RAB29: variants seen among roughly 807,000 people sequenced by gnomAD.
RAB29 encodes ras-related protein Rab-29.
A neutral mutation model predicts 25.5 loss-of-function variants in RAB29; 13 were observed. That is an observed-to-expected ratio of 0.51 (90% CI 0.33 to 0.81). The LOEUF is 0.81. Among genes scored for constraint, RAB29 ranks in the 30% least tolerant of loss-of-function variants. The probability of loss-of-function intolerance (pLI) is 0.02; values close to 1 mark genes in which losing one functional copy is unlikely to be tolerated. For synonymous variants in RAB29, 88 were observed against 95.0 expected, an observed-to-expected ratio of 0.93 and a Z score of 0.43; for missense variants, 201 against 254.9, an observed-to-expected ratio of 0.79 and a Z score of 1.44.
chr1:205,774,733 C>A (rs1296349452), intron 2 of RAB29, 100 bp downstream of exon 2: 7 of 1,314,918 alleles, frequency 5.3e-6, no homozygotes, highest in Non-Finnish European at 7.4e-6. Context: ...AAGGACCCAA[C>A]AACCGACAGC....
chr1:205,773,244 A>G (rs773806083), intron 2 of RAB29, among the ~76,000 whole-genome samples: 25 of 152,226 alleles, frequency 1.6e-4, no homozygotes, highest in Non-Finnish European at 3.1e-4. Context: ...GAAACAGAGT[A>G]ATTTCTGAGG....
Position 205,774,853 on chromosome 1 carries a change from T to C in RAB29, c.104A>G (p.His35Arg), listed in dbSNP as rs778380185. The C allele has an allele frequency of 3.8e-6, 6 of 1,574,788 alleles. No individual in the cohort carries two copies. In the African/African-American group the frequency reaches 8.3e-5, roughly 22 times the overall value. Residue 35 changes from histidine to arginine, a missense_variant, in exon 2 of 6, where the codon CAC becomes CGC. Coordinates refer to ENST00000367139, the MANE Select transcript of RAB29 (RefSeq NM_003929.3). ...QRYSQDSFSKHYKSTVGVDFA... is the reference protein window; with the variant it reads ...QRYSQDSFSKRYKSTVGVDFA... ...CTCACCTCCCACCGTGGACTTGTAGTGTTTGCTGAAGCTGTCCTGGGAATA... is the reference window on the plus strand; with the variant it reads ...CTCACCTCCCACCGTGGACTTGTAGCGTTTGCTGAAGCTGTCCTGGGAATA...
At chr1:205,774,307 C>A (rs1032246142) in intron 2 of RAB29, among the ~76,000 whole-genome samples, 3 of 152,236 alleles carry the variant, frequency 2.0e-5, no homozygotes, top group Non-Finnish European at 2.9e-5. Context: ...ATCCCACCCA[C>A]AGCCCCACAA....
chr1:205,771,428 C>CAT (rs1558068329), intron 4 of RAB29, 44 bp downstream of exon 4: 2 of 1,598,098 alleles, frequency 1.3e-6, no homozygotes, highest in Non-Finnish European at 1.7e-6. Flanking sequence ...CCTTTCTAAC[C>CAT]ACAGATAGAG....
Position 205,770,254 on chromosome 1 carries a change from GTACTTAATAAAATT to G in RAB29, c.*74_*87del. The G allele has an allele frequency of 1.9e-6, 2 of 1,053,912 alleles. No individual in the cohort carries two copies. Among genetic ancestry groups the G allele is most frequent in the Non-Finnish European group, 2.9e-6 (2 of 683,320 alleles). 65.3% of individuals were successfully genotyped at this position (1,053,912 alleles called of 1,614,324 possible). ...ACAGTAGTCAGGAGACAATTCAAATGTACTTAATAAAATTGTCAGGTGGGCAACCAAAGGGAAGA... is the reference window on the plus strand; with the variant it reads ...ACAGTAGTCAGGAGACAATTCAAATGGTCAGGTGGGCAACCAAAGGGAAGA... On this transcript the variant is annotated 3_prime_UTR_variant, in exon 6 of 6. Coordinates refer to ENST00000367139, the MANE Select transcript of RAB29 (RefSeq NM_003929.3).
Position 205,769,786 on chromosome 1 carries a change from G to A in RAB29, c.*556C>T, listed in dbSNP as rs12127133. 5,058 of 155,962 alleles carry A rather than the reference G, an allele frequency of 0.032. 135 individuals are homozygous for A. Among genetic ancestry groups the A allele is most frequent in the Non-Finnish European group, 0.05 (3,504 of 70,466 alleles). 9.7% of individuals were successfully genotyped at this position (155,962 alleles called of 1,614,324 possible). ...GAGAAACTTAATTATGACGTTAGAA[G>A]TTTCAAAAATACAGTGACTTCTGGG... On this transcript the variant is annotated 3_prime_UTR_variant, in exon 6 of 6. Coordinates refer to ENST00000367139, the MANE Select transcript of RAB29 (RefSeq NM_003929.3).
chr1:205,773,206 C>CA (rs1558069964), intron 2 of RAB29, among the ~76,000 whole-genome samples: 1 of 152,180 alleles, frequency 6.6e-6, no homozygotes, highest in Non-Finnish European at 1.5e-5. Flanking sequence ...GTAAGTATTC[C>CA]ATGGGGAAAG....
Position 205,775,001 on chromosome 1 carries a change from G to T in RAB29, c.-45C>A, listed in dbSNP as rs1210956034. 6.2e-7 allele frequency: 1 copy of T among 1,609,608 alleles called. No homozygotes were observed. Among genetic ancestry groups the T allele is most frequent in the East Asian group, 2.2e-5 (1 of 44,866 alleles). On this transcript the variant is annotated 5_prime_UTR_variant, in exon 2 of 6. Transcript: ENST00000367139. ...TTAGGGAGGCGGGAAGTGTGGTCGG[G>T]GATCGGGGGTCGCTCGTTTTAACCC... is the stretch of plus-strand genomic sequence containing the variant.
Position 205,770,036 on chromosome 1 carries a change from C to T in RAB29, c.*306G>A, listed in dbSNP as rs975786526. The stretch of plus-strand genomic sequence containing the variant: ...TAGGTGAGAATTATGATCTCTAAAA[C>T]GCAGGTGCTGATTTCTAATCCTTCT... On this transcript the variant is annotated 3_prime_UTR_variant, in exon 6 of 6. Coordinates refer to ENST00000367139, the MANE Select transcript of RAB29 (RefSeq NM_003929.3). 1.7e-5 allele frequency: 7 copies of T among 400,090 alleles called. No homozygotes were observed. The highest frequency in any genetic ancestry group is 6.8e-4 in the Middle Eastern group (1 of 1,474). 24.8% of individuals were successfully genotyped at this position (400,090 alleles called of 1,614,324 possible).
chr1:205,775,224 T>G, intron 1 of RAB29, 49 bp downstream of exon 1: 1 of 409,382 alleles, frequency 2.4e-6, no homozygotes, highest in Non-Finnish European at 4.4e-6. Flanking sequence ...CACCCCCTCC[T>G]GGCCTGACTG....
chr1:205,774,797 C>CAG, intron 2 of RAB29, 36 bp downstream of exon 2: 48 of 1,342,540 alleles, frequency 3.6e-5, no homozygotes, highest in Non-Finnish European at 4.6e-5. Context: ...GGGCCTCCTC[C>CAG]TCCCCCTCCC....
chr1:205,774,687 C>T (rs542398378), intron 2 of RAB29, 146 bp downstream of exon 2: 1 of 839,010 alleles, frequency 1.2e-6, no homozygotes, highest in Admixed American at 2.4e-5. Flanking sequence ...GCAATTACAC[C>T]ATCTAGGTTC....
intron 2 of RAB29, among the ~76,000 whole-genome samples, chr1:205,774,270 G>A (rs1179160883): frequency 6.6e-6 from 1 of 152,204 alleles, no homozygotes; most frequent in East Asian, 1.9e-4. Flanking sequence ...GTAGCCAAGG[G>A]GCTCGTTCGG....
rs778375923 is a variant in RAB29, at chr1:205,768,217, C to T, written c.*2125G>A. On this transcript the variant is annotated 3_prime_UTR_variant, in exon 6 of 6. Coordinates refer to ENST00000367139, the MANE Select transcript of RAB29 (RefSeq NM_003929.3). The stretch of plus-strand genomic sequence containing the variant: ...ATTAAAACGACACACAACAAACCAC[C>T]GAAGGTTTGGTCCCTTTTCTCTCTG... 5.3e-5 allele frequency: 8 copies of T among 152,294 alleles called. No homozygotes were observed. In the East Asian group the frequency reaches 5.8e-4, roughly 11 times the overall value. The allele number at this position is 152,294 out of a possible 1,614,324, so 9.4% of individuals were successfully genotyped here.
chr1:205,774,795 T>TCCAGCCC, intron 2 of RAB29, 38 bp downstream of exon 2: 2 of 860,520 alleles, frequency 2.3e-6, no homozygotes, highest in Non-Finnish European at 1.8e-6. Flanking sequence ...CGGGGCCTCC[T>TCCAGCCC]CCTCCCCCTC....
chr1:205,773,018 C>T (rs1485709753), intron 2 of RAB29, among the ~76,000 whole-genome samples: 1 of 152,156 alleles, frequency 6.6e-6, no homozygotes, highest in Non-Finnish European at 1.5e-5. Context: ...ATGAAAAGAA[C>T]ACACCCTGGG....
At chr1:205,774,613 C>T (rs1385123838) in intron 2 of RAB29, among the ~76,000 whole-genome samples, 2 of 152,212 alleles carry the variant, frequency 1.3e-5, no homozygotes, top group African/African-American at 2.4e-5. Flanking sequence ...TTTCTCCTGG[C>T]AGTGGGCTCA....
chr1:205,774,757 A>G, intron 2 of RAB29, 76 bp downstream of exon 2: 1 of 1,472,962 alleles, frequency 6.8e-7, no homozygotes, highest in Non-Finnish European at 9.3e-7. Context: ...TCCCCACCCC[A>G]CTTGGGTCCC....
Position 205,774,874 on chromosome 1 carries a change from G to T in RAB29, c.83C>A (p.Ser28Tyr). Reference sequence around the variant, plus strand: ...GTAGTGTTTGCTGAAGCTGTCCTGGGAATATCGCTGCACCAGCGACGTCTT... The same window carrying T: ...GTAGTGTTTGCTGAAGCTGTCCTGGTAATATCGCTGCACCAGCGACGTCTT... Reference protein sequence around the residue: ...VGKTSLVQRYSQDSFSKHYKS... With the variant: ...VGKTSLVQRYYQDSFSKHYKS... The change falls in exon 2 of 6, where the codon TCC (serine) becomes TAC (tyrosine). Residue 28 changes from serine to tyrosine, a missense_variant. Coordinates refer to ENST00000367139, the MANE Select transcript of RAB29 (RefSeq NM_003929.3). The T allele has an allele frequency of 6.2e-7, 1 of 1,613,804 alleles. No individual in the cohort carries two copies. The highest frequency in any genetic ancestry group is 8.5e-7 in the Non-Finnish European group (1 of 1,179,946).
Sources: allele counts gnomAD v4.1 joint callset (sites outside exome capture counted in the v4.1 genomes callset), GRCh38; gene constraint gnomAD v4.1.1; transcripts MANE v1.5; gene names NCBI Gene and HGNC (gene_info 2026-07-23, HGNC 2026-07-21).